CSMD1: variants seen among roughly 807,000 people sequenced by gnomAD.
CSMD1 encodes CUB and Sushi multiple domains 1, also known as CUB and sushi domain-containing protein 1.
In CSMD1, 213 loss-of-function variants were observed where a neutral mutation model predicts 417.5. The ratio of observed to expected loss-of-function variants is 0.51; its 90% confidence interval spans 0.46 to 0.57. The LOEUF is 0.57. Ranked by LOEUF, CSMD1 falls within the 20% of genes least tolerant of loss-of-function variation. The pLI is 0.00. For synonymous variants in CSMD1, 2,862 were observed against 1,736.8 expected (o/e 1.65, Z -16.11); for missense variants, 6,923 against 4,529.7 (o/e 1.53, Z -15.17).
chr8:3,287,667 T>A lies in CSMD1; in HGVS notation c.3951-3321A>T, dbSNP rs370482945. On this transcript the variant is annotated intron_variant, in intron 25 of 69. Coordinates refer to ENST00000635120, the MANE Select transcript of CSMD1 (RefSeq NM_033225.6). The stretch of plus-strand genomic sequence containing the variant: ...ACATTGATTTTGTATCCTGAGACTT[T>A]GCTGAAGTTGCCCATCAGCTTAAGG... Among the ~76,000 whole-genome samples, 24 of 152,336 alleles carry A rather than the reference T, an allele frequency of 1.6e-4. No individual in the cohort carries two copies. In the South Asian group the frequency reaches 3.1e-3, roughly 20 times the overall value.
chr8:3,395,269 A>G (rs747518270), intron 17 of CSMD1, among the ~76,000 whole-genome samples: 2 of 152,190 alleles, frequency 1.3e-5, no homozygotes, highest in Admixed American at 6.5e-5. Context: ...TTGGCAAAAT[A>G]AAAGTCTGAT....
chr8:3,707,739 G>C (rs1156612373), intron 7 of CSMD1, among the ~76,000 whole-genome samples: 1 of 152,182 alleles, frequency 6.6e-6, no homozygotes, highest in Non-Finnish European at 1.5e-5. Flanking sequence ...TTCAGCTAAA[G>C]GACAAAGGGC....
chr8:4,652,310 G>A (rs768510399), intron 1 of CSMD1, among the ~76,000 whole-genome samples: 1 of 152,162 alleles, frequency 6.6e-6, no homozygotes, highest in Non-Finnish European at 1.5e-5. Flanking sequence ...AGAGACATTT[G>A]ACATTTCTCA....
At chr8:3,171,457 C>G (rs1212314405) in intron 37 of CSMD1, among the ~76,000 whole-genome samples, 1 of 152,152 alleles carries the variant, frequency 6.6e-6, no homozygotes, top group Non-Finnish European at 1.5e-5. Flanking sequence ...GAGCCTTGAT[C>G]AAAAGTATGA....
At chr8:3,062,145 G>C (rs1041136859) in intron 49 of CSMD1, among the ~76,000 whole-genome samples, 2 of 151,936 alleles carry the variant, frequency 1.3e-5, no homozygotes, top group Non-Finnish European at 2.9e-5. Context: ...AATATTTCTG[G>C]GTCCTTTCTT....
At chr8:3,395,925 A>C (rs1234255701) in intron 17 of CSMD1, among the ~76,000 whole-genome samples, 3 of 152,216 alleles carry the variant, frequency 2.0e-5, no homozygotes. Flanking sequence ...CCATTATTCT[A>C]TGCAGAAGAT....
intron 2 of CSMD1, among the ~76,000 whole-genome samples, chr8:4,573,438 G>A (rs1471704918): frequency 6.6e-6 from 1 of 152,136 alleles, no homozygotes; most frequent in Non-Finnish European, 1.5e-5. Flanking sequence ...TTCCTGGGGT[G>A]TCACCAGTGG....
At chr8:4,621,086 G>A (rs1801754212) in intron 2 of CSMD1, among the ~76,000 whole-genome samples, 1 of 151,962 alleles carries the variant, frequency 6.6e-6, no homozygotes, top group Admixed American at 6.6e-5. Flanking sequence ...AATAATAACA[G>A]CAGCTGAGTA....
At chr8:4,430,621 TG>T (rs983600448) in intron 2 of CSMD1, among the ~76,000 whole-genome samples, 2 of 152,134 alleles carry the variant, frequency 1.3e-5, no homozygotes, top group African/African-American at 4.8e-5. Context: ...AGAATTCAAC[TG>T]ATCCTCTTTT....
intron 3 of CSMD1, among the ~76,000 whole-genome samples, chr8:4,074,559 G>T (rs2552133): frequency 6.6e-6 from 1 of 151,950 alleles, no homozygotes; most frequent in Non-Finnish European, 1.5e-5. Context: ...CCCAGTGGAA[G>T]TTAAAGGATC....
intron 3 of CSMD1, among the ~76,000 whole-genome samples, chr8:4,187,541 G>A (rs1309878218): frequency 6.6e-6 from 1 of 152,072 alleles, no homozygotes; most frequent in Admixed American, 6.5e-5. Flanking sequence ...CTACTTGGGA[G>A]ACTCAGGTAG....
At chr8:3,633,130 T>C (rs553289648) in intron 7 of CSMD1, among the ~76,000 whole-genome samples, 41 of 152,350 alleles carry the variant, frequency 2.7e-4, no homozygotes, top group South Asian at 1.4e-3. Context: ...TCTAACTTTA[T>C]GTTACCAAGA....
At chr8:3,916,845 G>A (rs182255991) in intron 5 of CSMD1, among the ~76,000 whole-genome samples, 1 of 152,190 alleles carries the variant, frequency 6.6e-6, no homozygotes, top group East Asian at 1.9e-4. Context: ...CTGCAGGTTA[G>A]AGAGATAAGG....
In CSMD1 at chr8:4,114,327, T is replaced by A. The variant is rs981917033; in HGVS notation, c.416-82228A>T. On this transcript the variant is annotated intron_variant, in intron 3 of 69. Coordinates refer to ENST00000635120, the MANE Select transcript of CSMD1 (RefSeq NM_033225.6). ...AAAATAAAGTCTGGATGAGACCACATCTGTTTACAGCACGGTTAATGCAGT... is the reference window on the plus strand; with the variant it reads ...AAAATAAAGTCTGGATGAGACCACAACTGTTTACAGCACGGTTAATGCAGT... 2.0e-5 allele frequency among the ~76,000 whole-genome samples: 3 copies of A among 152,176 alleles called. No homozygotes were observed. In the South Asian group the frequency reaches 6.2e-4, roughly 32 times the overall value.
chr8:3,084,208 A>G (rs559596792), intron 49 of CSMD1, among the ~76,000 whole-genome samples: 1 of 152,168 alleles, frequency 6.6e-6, no homozygotes, highest in Non-Finnish European at 1.5e-5. Context: ...AACTTAGGGA[A>G]GTATATACAG....
intron 6 of CSMD1, among the ~76,000 whole-genome samples, chr8:3,748,334 T>C (rs1797157998): frequency 1.3e-5 from 2 of 152,178 alleles, no homozygotes; most frequent in Non-Finnish European, 2.9e-5. Context: ...ATTGAAACAA[T>C]ACTTCATGCA....
intron 12 of CSMD1, among the ~76,000 whole-genome samples, chr8:3,426,311 G>C (rs931997049): frequency 6.6e-6 from 1 of 152,166 alleles, no homozygotes; most frequent in African/African-American, 2.4e-5. Flanking sequence ...TTAAGTACCA[G>C]AGGTTATTTT....
At chr8:3,039,852 T>A (rs913030415) in intron 50 of CSMD1, among the ~76,000 whole-genome samples, 1 of 152,188 alleles carries the variant, frequency 6.6e-6, no homozygotes, top group Non-Finnish European at 1.5e-5. Context: ...CTTTGCCAAA[T>A]ATCAGCATTC....
At chr8:3,448,170 A>T (rs1815420067) in intron 12 of CSMD1, among the ~76,000 whole-genome samples, 1 of 150,658 alleles carries the variant, frequency 6.6e-6, no homozygotes, top group African/African-American at 2.4e-5. Flanking sequence ...TTGGGGGAGT[A>T]GATAGTGAAG....
Sources: gnomAD v4.1 joint callset for allele counts (sites outside exome capture counted in the v4.1 genomes callset) on GRCh38, gnomAD v4.1.1 for gene constraint, MANE v1.5 for transcripts, NCBI Gene and HGNC (gene_info 2026-07-23, HGNC 2026-07-21) for gene names.